FAM184A: variants seen among roughly 807,000 people sequenced by gnomAD.
FAM184A encodes the protein family with sequence similarity 184 member A, also known as protein FAM184A.
A neutral mutation model predicts 143.8 loss-of-function variants in FAM184A; 99 were observed. The observed-to-expected ratio is 0.69, with a 90% CI of 0.58 to 0.81. The LOEUF (loss-of-function observed/expected upper bound fraction) is 0.81. Ranked by LOEUF, FAM184A falls within the 40% of genes least tolerant of loss-of-function variation. The pLI is 0.00. For missense variants in FAM184A, 1,217 were observed against 1,310.5 expected (o/e 0.93, Z 1.10); for synonymous variants, 427 against 446.4 (o/e 0.96, Z 0.55).
At chr6:119,008,431 G>C (rs1784992919) in intron 6 of FAM184A, among the ~76,000 whole-genome samples, 1 of 152,142 alleles carries the variant, frequency 6.6e-6, no homozygotes, top group Non-Finnish European at 1.5e-5. Flanking sequence ...ATACCTCAGG[G>C]AATATGTGAT....
At chr6:118,994,685 CT>C (rs67452737) in intron 9 of FAM184A, among the ~76,000 whole-genome samples, 95,259 of 137,254 alleles carry the variant, frequency 0.69, 32,737 homozygotes, top group Admixed American at 0.78. Context: ...GACTCCATCT[CT>C]AAATAAATAA....
intron 1 of FAM184A, among the ~76,000 whole-genome samples, chr6:119,085,331 C>T (rs1788190247): frequency 6.6e-6 from 1 of 152,168 alleles, no homozygotes; most frequent in African/African-American, 2.4e-5. Context: ...CCTAAATCAT[C>T]ACTCTCAAGT....
At chr6:119,120,828 CT>C (rs1789191928) in intron 1 of FAM184A, among the ~76,000 whole-genome samples, 10 of 121,670 alleles carry the variant, frequency 8.2e-5, no homozygotes, top group Admixed American at 7.8e-4. Context: ...TTCTTTCTTC[CT>C]TTCTTTCTTT....
At chr6:119,031,122 C>T (rs1356223019) in intron 1 of FAM184A, among the ~76,000 whole-genome samples, 1 of 151,988 alleles carries the variant, frequency 6.6e-6, no homozygotes, top group African/African-American at 2.4e-5. Flanking sequence ...AATCTTTCCC[C>T]CAGGTAAAAT....
intron 1 of FAM184A, among the ~76,000 whole-genome samples, chr6:119,025,242 C>G (rs962576659): frequency 6.6e-6 from 1 of 152,108 alleles, no homozygotes; most frequent in East Asian, 1.9e-4. Context: ...CCTAGAGATA[C>G]GAGAGGCTTC....
At chr6:119,082,925 C>A (rs965595137), upstream of FAM184A, among the ~76,000 whole-genome samples, 2 of 152,258 alleles carry the variant, frequency 1.3e-5, no homozygotes, top group Admixed American at 6.5e-5. Context: ...CTGCACTGAC[C>A]TAGCAGAGGT....
chr6:119,131,264 T>C (rs1466958904), intron 1 of FAM184A, among the ~76,000 whole-genome samples: 1 of 152,220 alleles, frequency 6.6e-6, no homozygotes, highest in African/African-American at 2.4e-5. Flanking sequence ...CTAGTCAGAC[T>C]TGAAACATTT....
chr6:119,142,501 A>T (rs980928228), intron 1 of FAM184A, among the ~76,000 whole-genome samples: 11 of 152,216 alleles, frequency 7.2e-5, no homozygotes, highest in African/African-American at 2.7e-4. Context: ...AACAACTCAC[A>T]GTGAATGCAG....
At chr6:119,084,421 C>G (rs1562143926) in intron 1 of FAM184A, among the ~76,000 whole-genome samples, 1 of 152,234 alleles carries the variant, frequency 6.6e-6, no homozygotes, top group Non-Finnish European at 1.5e-5. Flanking sequence ...TCTCTTTTGA[C>G]TCCATGTCTT....
At chr6:119,016,453 C>T (rs568542925) in intron 5 of FAM184A, among the ~76,000 whole-genome samples, 4 of 152,188 alleles carry the variant, frequency 2.6e-5, no homozygotes, top group South Asian at 4.2e-4. Context: ...CTGGGAGGAA[C>T]GAACAACTCC....
chr6:118,961,133 CTT>C (rs1311408167), intron 17 of FAM184A, among the ~76,000 whole-genome samples: 2 of 151,950 alleles, frequency 1.3e-5, no homozygotes, highest in East Asian at 3.8e-4. Flanking sequence ...TACTTTCTGA[CTT>C]TATCTAATGG....
At chr6:118,973,265 TGTG>T (rs1433958361) in intron 14 of FAM184A, among the ~76,000 whole-genome samples, 1 of 152,214 alleles carries the variant, frequency 6.6e-6, no homozygotes, top group Non-Finnish European at 1.5e-5. Context: ...ATGTGTGTGT[TGTG>T]GTGTTGCCTA....
chr6:119,140,592 A>G (rs1307897469), intron 1 of FAM184A, among the ~76,000 whole-genome samples: 1 of 152,070 alleles, frequency 6.6e-6, no homozygotes, highest in Non-Finnish European at 1.5e-5. Flanking sequence ...TCTCATCCGC[A>G]CCTTTCAACC....
rs952998639 is a variant in FAM184A at position 119,038,563 on chromosome 6, G to A, written c.160-13750C>T. On this transcript the variant is annotated intron_variant, in intron 1 of 17. Coordinates refer to ENST00000338891, the MANE Select transcript of FAM184A (RefSeq NM_024581.6). ...GACAGTTTATAAATGCCATGGCAACGTCAGGAAGTTACCCTATATGGTCTG... is the reference window on the plus strand; with the variant it reads ...GACAGTTTATAAATGCCATGGCAACATCAGGAAGTTACCCTATATGGTCTG... Among the ~76,000 whole-genome samples the A allele has an allele frequency of 7.8e-4, 119 of 152,240 alleles. 3 individuals are homozygous for A. The highest frequency in any genetic ancestry group is 2.7e-3 in the African/African-American group (111 of 41,544).
intron 1 of FAM184A, among the ~76,000 whole-genome samples, chr6:119,148,812 G>A (rs1476681055): frequency 2.0e-5 from 3 of 150,602 alleles, no homozygotes; most frequent in African/African-American, 7.3e-5. Context: ...TTTTTTTAAT[G>A]AATGTCAGAA....
At chr6:118,964,118 A>T (rs1396530244) in intron 16 of FAM184A, among the ~76,000 whole-genome samples, 2 of 151,894 alleles carry the variant, frequency 1.3e-5, no homozygotes, top group Non-Finnish European at 2.9e-5. Context: ...TGAGCCCAAG[A>T]GTTTGAGACC....
At position 119,121,413 on chromosome 6, in the gene FAM184A, AGGCGT is replaced by A. The variant is rs542008094; in HGVS notation, c.-202+27660_-202+27664del. Among the ~76,000 whole-genome samples the A allele has an allele frequency of 1.4e-4, 22 of 152,354 alleles. 1 individual carries two copies. The South Asian group carries it at 4.6e-3, about 32-fold the overall frequency. ...GGGCCTCCCAAATTGTTGGGATTAT[AGGCGT>A]GAGCCACCGTGCCTGGCCTTTTAAA... On this transcript the variant is annotated intron_variant, in intron 1 of 16. Coordinates refer to the FAM184A transcript ENST00000352896.
chr6:119,144,638 T>C lies in FAM184A; in HGVS notation c.-202+4440A>G, dbSNP rs553459939. Among the ~76,000 whole-genome samples, 3 of 152,358 alleles carry C rather than the reference T, an allele frequency of 2.0e-5. No homozygotes were observed. In the South Asian group the frequency reaches 6.2e-4, roughly 32 times the overall value. On this transcript the variant is annotated intron_variant, in intron 1 of 16. Transcript: ENST00000352896. ...TTGCTAGTAGGTGAGCGATTCTAAT[T>C]GCATTTCTTCTTTATTTTGCTAGCT...
chr6:119,045,248 G>T, intron 1 of FAM184A, among the ~76,000 whole-genome samples: 1 of 147,398 alleles, frequency 6.8e-6, no homozygotes, highest in African/African-American at 2.5e-5. Flanking sequence ...AAGGAAGGCT[G>T]TTTTCCTCTA....
Sources: gnomAD v4.1 joint callset for allele counts (sites outside exome capture counted in the v4.1 genomes callset) on GRCh38, gnomAD v4.1.1 for gene constraint, MANE v1.5 for transcripts, NCBI Gene and HGNC (gene_info 2026-07-23, HGNC 2026-07-21) for gene names.